Variants in SPATA17 observed in about 807,000 individuals in gnomAD.
SPATA17 encodes spermatogenesis-associated protein 17.
In SPATA17, 53 loss-of-function variants were observed where a neutral mutation model predicts 62.2. That is an observed-to-expected ratio of 0.85 (90% CI 0.68 to 1.07). The LOEUF is 1.07. Ranked by LOEUF, SPATA17 falls within the 50% of genes least tolerant of loss-of-function variation. The pLI, the probability that SPATA17 is intolerant of heterozygous loss-of-function variation, is 0.00. For synonymous variants in SPATA17, 146 were observed against 146.8 expected, an observed-to-expected ratio of 0.99 and a Z score of 0.04; for missense variants, 466 against 425.5, an observed-to-expected ratio of 1.10 and a Z score of -0.84.
rs563395948 is a variant in SPATA17 at position 217,824,569 on chromosome 1, T to C, written c.1005+22719T>C. 2.2e-4 allele frequency among the ~76,000 whole-genome samples: 34 copies of C among 151,432 alleles called. No homozygotes were observed. In the East Asian group the frequency reaches 6.5e-3, roughly 29 times the overall value. On this transcript the variant is annotated intron_variant, in intron 9 of 10. Coordinates refer to ENST00000366933, the MANE Select transcript of SPATA17 (RefSeq NM_138796.4). Reference sequence around the variant, plus strand: ...ATGATTTCTTTGGTTTTCTCTATACTGTTATTGTATATGTTTTTATTCCTA... The same window carrying C: ...ATGATTTCTTTGGTTTTCTCTATACCGTTATTGTATATGTTTTTATTCCTA...
intron 6 of SPATA17, among the ~76,000 whole-genome samples, chr1:217,761,907 G>A (rs1272464638): frequency 2.0e-5 from 3 of 152,064 alleles, no homozygotes; most frequent in East Asian, 3.9e-4. Flanking sequence ...TATAATATCA[G>A]CCACAAGAAC....
At chr1:217,736,868 G>C (rs1484891022) in intron 5 of SPATA17, among the ~76,000 whole-genome samples, 1 of 152,174 alleles carries the variant, frequency 6.6e-6, no homozygotes, top group Non-Finnish European at 1.5e-5. Flanking sequence ...CAAATGCAAA[G>C]GTCTGTGTAT....
chr1:217,643,874 AC>A lies in SPATA17; in HGVS notation c.69-5005del. ...CTCCCAAGTAGCTGGGATTACAGGCACCCACCATCATGTCTGGCTAATTTTT... is the reference window on the plus strand; with the variant it reads ...CTCCCAAGTAGCTGGGATTACAGGCACCACCATCATGTCTGGCTAATTTTT... On this transcript the variant is annotated intron_variant, in intron 1 of 10. Coordinates refer to ENST00000366933, the MANE Select transcript of SPATA17 (RefSeq NM_138796.4). Among the ~76,000 whole-genome samples, 2 of 151,890 alleles carry A rather than the reference AC, an allele frequency of 1.3e-5. 1 individual carries two copies. Among genetic ancestry groups the A allele is most frequent in the Admixed American group, 1.3e-4 (2 of 15,236 alleles).
At chr1:217,752,535 G>A (rs1262480567) in intron 6 of SPATA17, among the ~76,000 whole-genome samples, 2 of 152,134 alleles carry the variant, frequency 1.3e-5, no homozygotes, top group Non-Finnish European at 1.5e-5. Flanking sequence ...ACTTTCTGAA[G>A]TGAGAAGAGG....
intron 4 of SPATA17, among the ~76,000 whole-genome samples, chr1:217,679,495 GC>G (rs1322759694): frequency 6.6e-6 from 1 of 152,122 alleles, no homozygotes; most frequent in Non-Finnish European, 1.5e-5. Flanking sequence ...CCACTCAAAT[GC>G]TGTTTCCTCC....
chr1:217,774,945 T>C (rs1673551542), intron 7 of SPATA17, among the ~76,000 whole-genome samples: 1 of 152,252 alleles, frequency 6.6e-6, no homozygotes, highest in Non-Finnish European at 1.5e-5. Context: ...TTGTGAATAA[T>C]GCTGCTGTGA....
chr1:217,791,528 T>C lies in SPATA17; in HGVS notation c.872+9206T>C, dbSNP rs546913327. Among the ~76,000 whole-genome samples the C allele has an allele frequency of 3.0e-4, 46 of 152,336 alleles. 1 individual carries two copies. The highest frequency in any genetic ancestry group is 1.0e-3 in the African/African-American group (43 of 41,590). On this transcript the variant is annotated intron_variant, in intron 8 of 10. Coordinates refer to ENST00000366933, the MANE Select transcript of SPATA17 (RefSeq NM_138796.4). ...TTTCTCTGAAAGAAAAAAAAAAGTT[T>C]ATTTTAAGTAAATGACCACAGAATA...
intron 1 of SPATA17, among the ~76,000 whole-genome samples, chr1:217,640,441 C>A (rs1670035500): frequency 6.6e-6 from 1 of 152,036 alleles, no homozygotes; most frequent in Non-Finnish European, 1.5e-5. Context: ...CAGCAATGGA[C>A]AATTATAATT....
At chr1:217,827,411 C>G (rs745714025) in intron 9 of SPATA17, among the ~76,000 whole-genome samples, 3 of 152,002 alleles carry the variant, frequency 2.0e-5, no homozygotes, top group Non-Finnish European at 2.9e-5. Flanking sequence ...AATAGGAATG[C>G]TTTTACACTG....
intron 7 of SPATA17, among the ~76,000 whole-genome samples, chr1:217,776,484 A>C (rs1328572583): frequency 6.6e-6 from 1 of 152,102 alleles, no homozygotes; most frequent in Non-Finnish European, 1.5e-5. Flanking sequence ...TGGGTTTGCC[A>C]TTCTAGGTAC....
At chr1:217,852,899 A>G (rs983299687) in intron 9 of SPATA17, among the ~76,000 whole-genome samples, 3 of 151,932 alleles carry the variant, frequency 2.0e-5, no homozygotes, top group Non-Finnish European at 4.4e-5. Context: ...CCCTTTCCCA[A>G]TTCCCTCAGT....
intron 9 of SPATA17, among the ~76,000 whole-genome samples, chr1:217,843,912 A>C (rs1354078919): frequency 1.3e-5 from 2 of 152,260 alleles, no homozygotes; most frequent in Admixed American, 1.3e-4. Context: ...TGTGTATAGC[A>C]CTGTGACAGT....
In SPATA17 at chr1:217,870,516, C is replaced by G. The variant is rs1676109027; in HGVS notation, c.*3497C>G. 1 of 152,104 alleles carries G rather than the reference C, an allele frequency of 6.6e-6. No individual in the cohort carries two copies. Among genetic ancestry groups the G allele is most frequent in the African/African-American group, 2.4e-5 (1 of 41,422 alleles). The allele number at this position is 152,104 out of a possible 1,614,324, so 9.4% of individuals were successfully genotyped here. A position where few individuals can be genotyped will look rare whatever the true frequency, so the allele number is the denominator to read the frequency against. Reference sequence around the variant, plus strand: ...TGGGGAAAGCAGTTTGTCTGTTTCTCCTGGAAAACTACTAGACTACATCAA... The same window carrying G: ...TGGGGAAAGCAGTTTGTCTGTTTCTGCTGGAAAACTACTAGACTACATCAA... On this transcript the variant is annotated 3_prime_UTR_variant, in exon 11 of 11. Transcript: ENST00000366933.
intron 6 of SPATA17, among the ~76,000 whole-genome samples, chr1:217,773,127 G>T (rs764515284): frequency 2.6e-5 from 4 of 152,134 alleles, no homozygotes; most frequent in Non-Finnish European, 4.4e-5. Flanking sequence ...TTTGATAGAG[G>T]TTAACACTTA....
At chr1:217,638,764 CA>C (rs1389429135) in intron 1 of SPATA17, among the ~76,000 whole-genome samples, 1 of 151,680 alleles carries the variant, frequency 6.6e-6, no homozygotes, top group Non-Finnish European at 1.5e-5. Flanking sequence ...TGAACTTTTA[CA>C]GAAATAAAAC....
At chr1:217,650,782 C>T (rs1670294108) in intron 2 of SPATA17, among the ~76,000 whole-genome samples, 1 of 152,188 alleles carries the variant, frequency 6.6e-6, no homozygotes, top group Non-Finnish European at 1.5e-5. Flanking sequence ...TGGATTATTT[C>T]TCAACATGTC....
chr1:217,755,591 G>A (rs763689398), intron 6 of SPATA17, among the ~76,000 whole-genome samples: 1 of 151,906 alleles, frequency 6.6e-6, no homozygotes, highest in African/African-American at 2.4e-5. Flanking sequence ...TTGAATTTCA[G>A]AGTTTTTTCT....
chr1:217,824,362 A>G (rs1385131994), intron 9 of SPATA17, among the ~76,000 whole-genome samples: 1 of 151,826 alleles, frequency 6.6e-6, no homozygotes, highest in East Asian at 1.9e-4. Flanking sequence ...ACTTAAAATT[A>G]TCTTCATTAT....
intron 5 of SPATA17, among the ~76,000 whole-genome samples, chr1:217,719,963 A>G (rs573042552): frequency 6.6e-6 from 1 of 152,314 alleles, no homozygotes; most frequent in Admixed American, 6.5e-5. Context: ...GCTGGAATCG[A>G]TAAGCAAGGA....
Sources: gnomAD v4.1 joint callset for allele counts (sites outside exome capture counted in the v4.1 genomes callset) on GRCh38, gnomAD v4.1.1 for gene constraint, MANE v1.5 for transcripts, NCBI Gene and HGNC (gene_info 2026-07-23, HGNC 2026-07-21) for gene names.